MAST4: variants seen among roughly 807,000 people sequenced by gnomAD.
MAST4 encodes the protein microtubule associated serine/threonine kinase family member 4, also known as microtubule-associated serine/threonine-protein kinase 4.
In MAST4, 89 loss-of-function variants were observed where a neutral mutation model predicts 162.7. The observed-to-expected ratio is 0.55, with a 90% CI of 0.46 to 0.65. The LOEUF is 0.65. MAST4 is among the 30% of genes least tolerant of loss of function. The pLI is 0.00. For synonymous variants in MAST4, 1,479 were observed against 1,361.1 expected (o/e 1.09, Z -1.91); for missense variants, 3,153 against 3,374.0 (o/e 0.93, Z 1.62).
At chr5:66,815,763 T>G (rs1756687579) in intron 3 of MAST4, among the ~76,000 whole-genome samples, 1 of 152,200 alleles carries the variant, frequency 6.6e-6, no homozygotes, top group South Asian at 2.1e-4. Context: ...TAAAACAGGA[T>G]ACATACATCC....
intron 4 of MAST4, among the ~76,000 whole-genome samples, chr5:66,967,123 G>A (rs1746831332): frequency 6.6e-6 from 1 of 152,148 alleles, no homozygotes; most frequent in South Asian, 2.1e-4. Flanking sequence ...GATTGTGATG[G>A]GTCAGATTTG....
intron 4 of MAST4, among the ~76,000 whole-genome samples, chr5:67,036,143 G>GA (rs35005481): frequency 6.6e-6 from 1 of 151,970 alleles, no homozygotes; most frequent in Non-Finnish European, 1.5e-5. Context: ...ATAGAGGAAG[G>GA]AAAAAATACT....
At chr5:66,774,709 G>A (rs1024853382) in intron 2 of MAST4, among the ~76,000 whole-genome samples, 1 of 152,080 alleles carries the variant, frequency 6.6e-6, no homozygotes, top group Admixed American at 6.5e-5. Flanking sequence ...TAATATGATT[G>A]CCAGATAAAA....
intron 4 of MAST4, among the ~76,000 whole-genome samples, chr5:66,956,727 T>G (rs1391498086): frequency 6.6e-6 from 1 of 152,228 alleles, no homozygotes; most frequent in Non-Finnish European, 1.5e-5. Context: ...TTATCCCATA[T>G]GGGGCCAAAT....
intron 3 of MAST4, chr5:66,828,741 G>A (rs1455493344): frequency 1.3e-6 from 2 of 1,528,948 alleles, no homozygotes; most frequent in South Asian, 1.2e-5. Context: ...AGAGCGTGAT[G>A]TAAGTGTTTA....
intron 4 of MAST4, among the ~76,000 whole-genome samples, chr5:67,008,739 G>GTTTTT (rs1752329120): frequency 6.6e-6 from 1 of 152,120 alleles, no homozygotes; most frequent in East Asian, 1.9e-4. Context: ...CAAAAAAGAA[G>GTTTTT]TTTTTGGGGT....
intron 4 of MAST4, among the ~76,000 whole-genome samples, chr5:66,974,192 T>C (rs1237527895): frequency 2.0e-5 from 3 of 152,246 alleles, no homozygotes; most frequent in Non-Finnish European, 4.4e-5. Context: ...TCACCTGATA[T>C]ATAACATTTA....
At chr5:67,107,309 T>TA (rs1186460730) in intron 10 of MAST4, among the ~76,000 whole-genome samples, 1 of 152,208 alleles carries the variant, frequency 6.6e-6, no homozygotes, top group African/African-American at 2.4e-5. Context: ...AATAAAATCT[T>TA]ACGGTTTCAC....
chr5:66,886,939 G>A (rs1289861301), intron 3 of MAST4, among the ~76,000 whole-genome samples: 2 of 151,832 alleles, frequency 1.3e-5, no homozygotes, highest in African/African-American at 4.8e-5. Context: ...AACCACAGGG[G>A]ATCATTTTGA....
chr5:66,662,223 A>T (rs563359732), intron 1 of MAST4: 12 of 151,774 alleles, frequency 7.9e-5, no homozygotes, highest in Middle Eastern at 3.4e-3. Context: ...GGGGCTATTT[A>T]AAAAAAACAC....
chr5:67,113,572 C>G (rs1443864463), intron 11 of MAST4, among the ~76,000 whole-genome samples: 2 of 152,062 alleles, frequency 1.3e-5, no homozygotes, highest in African/African-American at 2.4e-5. Flanking sequence ...TTATAGTTAA[C>G]TAATAAAAAA....
At position 66,907,158 on chromosome 5, in the gene MAST4, C is replaced by CGAGAGA. The variant is rs34963439; in HGVS notation, c.674+7220_674+7225dup. The stretch of plus-strand genomic sequence containing the variant: ...AAAGGAAAAATAACTCTCAGCAAAG[C>CGAGAGA]GAGAGAGAGAGAGAGAGAGAGAGAG... On this transcript the variant is annotated intron_variant, in intron 4 of 28. Coordinates refer to ENST00000403625, the MANE Select transcript of MAST4 (RefSeq NM_001164664.2). Among the ~76,000 whole-genome samples, 1,033 of 104,298 alleles carry CGAGAGA rather than the reference C, an allele frequency of 9.9e-3. 50 individuals are homozygous for CGAGAGA. Among genetic ancestry groups the CGAGAGA allele is most frequent in the South Asian group, 0.015 (41 of 2,688 alleles). 68.4% of individuals were successfully genotyped at this position (104,298 alleles called of 152,430 possible).
intron 3 of MAST4, among the ~76,000 whole-genome samples, chr5:66,852,633 ACTG>A (rs1759395647): frequency 6.6e-6 from 1 of 152,198 alleles, no homozygotes; most frequent in Non-Finnish European, 1.5e-5. Context: ...TTTTTGCACA[ACTG>A]AAATTCATTT....
At chr5:67,106,111 A>G (rs775165343) in intron 10 of MAST4, among the ~76,000 whole-genome samples, 4 of 151,774 alleles carry the variant, frequency 2.6e-5, no homozygotes, top group Non-Finnish European at 4.4e-5. Flanking sequence ...TCTTCCAGGG[A>G]TTTCTCTTCC....
chr5:67,003,986 C>A (rs984616157), intron 4 of MAST4: 7 of 152,266 alleles, frequency 4.6e-5, no homozygotes. Context: ...ATACAACCAG[C>A]GGCGTCCTGG....
At chr5:66,895,592 C>T (rs1762633630) in intron 3 of MAST4, among the ~76,000 whole-genome samples, 1 of 152,188 alleles carries the variant, frequency 6.6e-6, no homozygotes, top group South Asian at 2.1e-4. Context: ...TCACGCTCCA[C>T]ATCCAGTTTC....
chr5:66,991,333 A>G (rs1750046347), intron 4 of MAST4, among the ~76,000 whole-genome samples: 1 of 152,192 alleles, frequency 6.6e-6, no homozygotes. Context: ...TTGTTTGGAT[A>G]CTTACATGTT....
rs1742185019 is a variant in MAST4 at position 66,596,520 on chromosome 5, C to A, written c.-136C>A. 1.8e-6 allele frequency: 2 copies of A among 1,109,550 alleles called. No homozygotes were observed. The highest frequency in any genetic ancestry group is 2.3e-6 in the Non-Finnish European group (2 of 863,950). 68.7% of individuals were successfully genotyped at this position (1,109,550 alleles called of 1,614,324 possible). On this transcript the variant is annotated 5_prime_UTR_variant, in exon 1 of 29. Transcript: ENST00000403625. ...TGCGGCCCCGTCACTGCCATGTAGT[C>A]GCTGGCGGGGCTCCCTGCAGCCCGG...
chr5:66,900,790 G>A (rs1580812153), intron 4 of MAST4, among the ~76,000 whole-genome samples: 1 of 152,250 alleles, frequency 6.6e-6, no homozygotes, highest in African/African-American at 2.4e-5. Context: ...TATGGCAACT[G>A]TTGAAATATA....
Sources: gnomAD v4.1 joint callset for allele counts (sites outside exome capture counted in the v4.1 genomes callset) on GRCh38, gnomAD v4.1.1 for gene constraint, MANE v1.5 for transcripts, NCBI Gene and HGNC (gene_info 2026-07-23, HGNC 2026-07-21) for gene names.